The following DYDC1 variants were observed in gnomAD, a reference collection of about 807,000 sequenced individuals.
DYDC1 encodes the protein DPY30 domain-containing protein 1.
In DYDC1, 21 loss-of-function variants were observed where a neutral mutation model predicts 27.9. The ratio of observed to expected loss-of-function variants is 0.75; its 90% CI spans 0.53 to 1.08. The LOEUF (loss-of-function observed/expected upper bound fraction) is 1.08. Among genes scored for constraint, DYDC1 ranks in the 50% least tolerant of loss-of-function variants. The probability of loss-of-function intolerance (pLI) is 0.00; values close to 1 mark genes in which losing one functional copy is unlikely to be tolerated. For missense variants in DYDC1, 202 were observed against 205.9 expected, an observed-to-expected ratio of 0.98 and a Z score of 0.12; for synonymous variants, 67 against 65.8, an observed-to-expected ratio of 1.02 and a Z score of -0.09.
In DYDC1 at chr10:80,356,734, C is replaced by G. The variant is rs951576061; in HGVS notation, c.-32G>C. On this transcript the variant is annotated 5_prime_UTR_variant, in exon 1 of 7. Coordinates refer to ENST00000372202, the MANE Select transcript of DYDC1 (RefSeq NM_001269053.2). ...CACCCCTACACACGCGCCTGCTCGC[C>G]ACCCAGGAGCGGCGTCCCGTTGCCA... 1 of 985,430 alleles carries G rather than the reference C, an allele frequency of 1.0e-6. No homozygotes were observed. The highest frequency in any genetic ancestry group is 1.7e-5 in the African/African-American group (1 of 57,368). The allele number at this position is 985,430 out of a possible 1,614,324, so 61.0% of individuals were successfully genotyped here.
chr10:80,348,346 C>T (rs1267646145), intron 3 of DYDC1, among the ~76,000 whole-genome samples: 1 of 152,194 alleles, frequency 6.6e-6, no homozygotes, highest in African/African-American at 2.4e-5. Flanking sequence ...TGGAAATTAG[C>T]TTTGGCTGCA....
At position 80,351,306 on chromosome 10, in the gene DYDC1, C is replaced by T. The variant is rs963843006; in HGVS notation, c.249+595G>A. Among the ~76,000 whole-genome samples the T allele has an allele frequency of 3.9e-5, 6 of 152,268 alleles. No homozygotes were observed. In the South Asian group the frequency reaches 1.2e-3, roughly 32 times the overall value. ...CCCAACCTATGATCCAGGCCCATTTCCTCTCATCTCCATGGTGAGCTGACC... is the reference window on the plus strand; with the variant it reads ...CCCAACCTATGATCCAGGCCCATTTTCTCTCATCTCCATGGTGAGCTGACC... On this transcript the variant is annotated intron_variant, in intron 3 of 6. Transcript: ENST00000372202.
At chr10:80,355,801 G>T (rs1397384582) in intron 1 of DYDC1, among the ~76,000 whole-genome samples, 1 of 151,998 alleles carries the variant, frequency 6.6e-6, no homozygotes, top group Non-Finnish European at 1.5e-5. Context: ...CTCTAAAAAC[G>T]GAAAACAAAC....
intron 3 of DYDC1, among the ~76,000 whole-genome samples, chr10:80,349,480 C>T (rs908403331): frequency 2.6e-5 from 4 of 151,990 alleles, no homozygotes; most frequent in African/African-American, 9.7e-5. Context: ...ACAATGCATT[C>T]TAAAATAATA....
intron 4 of DYDC1, among the ~76,000 whole-genome samples, chr10:80,341,313 C>A (rs561292993): frequency 1.3e-5 from 2 of 151,294 alleles, no homozygotes; most frequent in East Asian, 1.9e-4. Flanking sequence ...CATGGTTGTG[C>A]GTGCCTGTAA....
chr10:80,356,578 C>A (rs1481278153), intron 1 of DYDC1, 134 bp downstream of exon 1: 6 of 985,410 alleles, frequency 6.1e-6, no homozygotes, highest in African/African-American at 1.7e-5. Flanking sequence ...AGGCGCGAAG[C>A]GGCCTCTCTC....
At chr10:80,350,707 T>C (rs1842930281) in intron 3 of DYDC1, among the ~76,000 whole-genome samples, 2 of 152,198 alleles carry the variant, frequency 1.3e-5, no homozygotes, top group African/African-American at 2.4e-5. Context: ...TTCTTTCCCC[T>C]TTTTAAATAT....
intron 1 of DYDC1, among the ~76,000 whole-genome samples, chr10:80,355,176 G>A (rs1301638168): frequency 2.6e-5 from 4 of 151,776 alleles, no homozygotes; most frequent in Non-Finnish European, 4.4e-5. Context: ...ATATAGGAAT[G>A]AGCATGGCAA....
intron 3 of DYDC1, among the ~76,000 whole-genome samples, chr10:80,347,707 AC>A (rs1192002181): frequency 6.6e-6 from 1 of 152,096 alleles, no homozygotes. Context: ...CATTGAAGAG[AC>A]TATCCTTTTC....
chr10:80,350,652 C>T (rs1418680990), intron 3 of DYDC1, among the ~76,000 whole-genome samples: 1 of 152,122 alleles, frequency 6.6e-6, no homozygotes, highest in Non-Finnish European at 1.5e-5. Context: ...AAGCTATTTG[C>T]CAGGTCTATA....
Position 80,352,093 on chromosome 10 carries a change from G to A in DYDC1, c.148-91C>T, listed in dbSNP as rs922304195. Reference sequence around the variant, plus strand: ...TGAAAGCACTTAATAGGAACAATTAGGGAAAGTGTTAAGCAAATTATAGCC... The same window carrying A: ...TGAAAGCACTTAATAGGAACAATTAAGGAAAGTGTTAAGCAAATTATAGCC... On this transcript the variant is annotated intron_variant, in intron 2 of 6. Coordinates refer to ENST00000372202, the MANE Select transcript of DYDC1 (RefSeq NM_001269053.2). 4.1e-6 allele frequency: 5 copies of A among 1,220,016 alleles called. No individual in the cohort carries two copies. The African/African-American group carries it at 6.0e-5, about 15-fold the overall frequency. The allele number at this position is 1,220,016 out of a possible 1,614,324, so 75.6% of individuals were successfully genotyped here.
At chr10:80,354,000 C>T (rs919419872) in intron 1 of DYDC1, among the ~76,000 whole-genome samples, 1 of 151,902 alleles carries the variant, frequency 6.6e-6, no homozygotes, top group African/African-American at 2.4e-5. Flanking sequence ...CCTGTAGTCC[C>T]AGCTACTTGG....
chr10:80,337,561 G>T (rs1207440415), intron 6 of DYDC1: 2 of 439,344 alleles, frequency 4.6e-6, no homozygotes, highest in Non-Finnish European at 6.0e-6. Flanking sequence ...CTGCCTTCAG[G>T]ATAAAATCTA....
At chr10:80,352,411 C>G (rs768058209) in intron 2 of DYDC1, 44 bp downstream of exon 2, 1 of 1,503,070 alleles carries the variant, frequency 6.7e-7, no homozygotes, top group Admixed American at 2.4e-5. Flanking sequence ...CAAGTTGGAC[C>G]AGTTTTTTTT....
At position 80,342,224 on chromosome 10, in the gene DYDC1, T is replaced by C. The variant is rs760362282; in HGVS notation, c.342+45A>G. The stretch of plus-strand genomic sequence containing the variant: ...GCTGAAATAAACAGTTTGAAGATTC[T>C]AGAGAGTTTTAAATAAAACTGACAT... On this transcript the variant is annotated intron_variant, in intron 4 of 6. Coordinates refer to ENST00000372202, the MANE Select transcript of DYDC1 (RefSeq NM_001269053.2). 4 of 1,575,850 alleles carry C rather than the reference T, an allele frequency of 2.5e-6. No individual in the cohort carries two copies. In the African/African-American group the frequency reaches 5.4e-5, roughly 21 times the overall value.
chr10:80,354,521 G>C (rs983192501), intron 1 of DYDC1: 2 of 151,206 alleles, frequency 1.3e-5, no homozygotes, highest in African/African-American at 4.9e-5. Context: ...ACCTATTATA[G>C]GTCAGGCACC....
chr10:80,340,383 T>A (rs1842279550), intron 4 of DYDC1, among the ~76,000 whole-genome samples: 1 of 152,184 alleles, frequency 6.6e-6, no homozygotes, highest in African/African-American at 2.4e-5. Flanking sequence ...GAGGGAGTGG[T>A]ACTTTGCAGG....
At chr10:80,350,969 T>A (rs1842944604) in intron 3 of DYDC1, among the ~76,000 whole-genome samples, 1 of 152,330 alleles carries the variant, frequency 6.6e-6, no homozygotes, top group African/African-American at 2.4e-5. Flanking sequence ...CACTCAGACA[T>A]CTGGGCCCAA....
In DYDC1 at chr10:80,356,723, C is replaced by T. The variant is rs995891803; in HGVS notation, c.-21G>A. On this transcript the variant is annotated 5_prime_UTR_variant, in exon 1 of 7. Coordinates refer to ENST00000372202, the MANE Select transcript of DYDC1 (RefSeq NM_001269053.2). The stretch of plus-strand genomic sequence containing the variant: ...TCCGGTGCGCTCACCCCTACACACG[C>T]GCCTGCTCGCCACCCAGGAGCGGCG... The T allele has an allele frequency of 3.0e-6, 3 of 985,136 alleles. No homozygotes were observed. Among genetic ancestry groups the T allele is most frequent in the Non-Finnish European group, 3.6e-6 (3 of 829,662 alleles). The allele number at this position is 985,136 out of a possible 1,614,324, so 61.0% of individuals were successfully genotyped here.
Sources: allele counts gnomAD v4.1 joint callset (sites outside exome capture counted in the v4.1 genomes callset), GRCh38; gene constraint gnomAD v4.1.1; transcripts MANE v1.5; gene names NCBI Gene and HGNC (gene_info 2026-07-23, HGNC 2026-07-21).